The following CACNA2D1 variants were observed in gnomAD, a reference collection of about 807,000 sequenced individuals.
CACNA2D1 encodes the protein calcium voltage-gated channel auxiliary subunit alpha2delta 1, also known as voltage-dependent calcium channel subunit alpha-2/delta-1.
Under a neutral mutation model 171.5 loss-of-function variants are expected in CACNA2D1, and 53 were observed. That is an observed-to-expected ratio of 0.31 (90% CI 0.25 to 0.39). The LOEUF (loss-of-function observed/expected upper bound fraction) is 0.39. Ranked by LOEUF, CACNA2D1 falls within the 10% of genes least tolerant of loss-of-function variation. CACNA2D1 has a pLI of 1.00. For synonymous variants in CACNA2D1, 442 were observed against 443.1 expected, an observed-to-expected ratio of 1.00 and a Z score of 0.03; for missense variants, 903 against 1,299.8, an observed-to-expected ratio of 0.69 and a Z score of 4.69.
In CACNA2D1 at chr7:81,948,386, C is replaced by T. The variant is rs1584115008; in HGVS notation, c.*2006G>A. 1 of 151,686 alleles carries T rather than the reference C, an allele frequency of 6.6e-6. No homozygotes were observed. The highest frequency in any genetic ancestry group is 1.9e-4 in the East Asian group (1 of 5,160). 9.4% of individuals were successfully genotyped at this position (151,686 alleles called of 1,614,324 possible). A position where few individuals can be genotyped will look rare whatever the true frequency, so the allele number is the denominator to read the frequency against. ...ATGACACTACAAAATCACAACAATG[C>T]ATTAGAAATGGTAACTGATGTCAAC... On this transcript the variant is annotated 3_prime_UTR_variant, in exon 39 of 39. Transcript: ENST00000356860.
At position 82,170,607 on chromosome 7, in the gene CACNA2D1, G is replaced by T. The variant is rs776437957; in HGVS notation, c.297C>A (p.Arg99=). ...GAACTTTCTCCGCTTCCAATGCCAGGCGCTGAAAAACAAACAATAAATCTT... is the reference window on the plus strand; with the variant it reads ...GAACTTTCTCCGCTTCCAATGCCAGTCGCTGAAAAACAAACAATAAATCTT... ...LLSNRSKALV[R]LALEAEKVQA... The change falls in exon 4 of 39, where the codon CGC becomes CGA. Residue 99 remains arginine (R), a splice_region_variant and synonymous_variant. Transcript: ENST00000356860. 1.9e-6 allele frequency: 3 copies of T among 1,612,310 alleles called. No homozygotes were observed. Among genetic ancestry groups the T allele is most frequent in the African/African-American group, 1.3e-5 (1 of 74,886 alleles).
intron 3 of CACNA2D1, among the ~76,000 whole-genome samples, chr7:82,325,842 A>G (rs1240038401): frequency 6.6e-6 from 1 of 152,218 alleles, no homozygotes; most frequent in African/African-American, 2.4e-5. Flanking sequence ...CTGATGAGAA[A>G]AAATGAAAAT....
At chr7:82,338,111 T>C (rs962166028) in intron 2 of CACNA2D1, among the ~76,000 whole-genome samples, 4 of 152,204 alleles carry the variant, frequency 2.6e-5, no homozygotes, top group Non-Finnish European at 5.9e-5. Flanking sequence ...CACTTTGCTC[T>C]AATTAAGTCT....
intron 20 of CACNA2D1, 125 bp from the exon 21 acceptor site, chr7:81,991,371 A>G (rs1797523812): frequency 1.6e-6 from 1 of 627,856 alleles, no homozygotes; most frequent in Non-Finnish European, 2.9e-6. Flanking sequence ...CAAAGGTATG[A>G]TCTATTTTAT....
chr7:82,150,283 A>AC, intron 4 of CACNA2D1, among the ~76,000 whole-genome samples: 1 of 96,864 alleles, frequency 1.0e-5, no homozygotes, highest in Non-Finnish European at 2.1e-5. Flanking sequence ...AAACAACAAC[A>AC]AAAAAAAACA....
chr7:82,325,569 T>C (rs746390378), intron 3 of CACNA2D1, among the ~76,000 whole-genome samples: 4 of 152,158 alleles, frequency 2.6e-5, no homozygotes, highest in African/African-American at 7.2e-5. Flanking sequence ...TGAGATGCCA[T>C]GGAGCTGAGA....
intron 3 of CACNA2D1, among the ~76,000 whole-genome samples, chr7:82,318,130 A>G (rs976745614): frequency 6.6e-6 from 1 of 152,110 alleles, no homozygotes; most frequent in Admixed American, 6.6e-5. Flanking sequence ...TCACTTTTCA[A>G]TTGCCTACAA....
chr7:82,178,936 G>A (rs1045155660), intron 3 of CACNA2D1, among the ~76,000 whole-genome samples: 4 of 152,052 alleles, frequency 2.6e-5, no homozygotes, highest in African/African-American at 9.7e-5. Context: ...TGGAAATGTG[G>A]AAACAATCAT....
chr7:82,354,034 G>C (rs1186048848), intron 1 of CACNA2D1, among the ~76,000 whole-genome samples: 1 of 151,982 alleles, frequency 6.6e-6, no homozygotes, highest in Admixed American at 6.6e-5. Flanking sequence ...TCCCTTCTTC[G>C]CTGAAGACTC....
intron 3 of CACNA2D1, among the ~76,000 whole-genome samples, chr7:82,326,867 T>G (rs532946642): frequency 9.2e-6 from 1 of 108,750 alleles, no homozygotes; most frequent in East Asian, 2.3e-4. Context: ...CATTGACTAT[T>G]CTCAAATATC....
At chr7:82,225,046 A>AT (rs1802205754) in intron 3 of CACNA2D1, among the ~76,000 whole-genome samples, 1 of 152,136 alleles carries the variant, frequency 6.6e-6, no homozygotes, top group Non-Finnish European at 1.5e-5. Flanking sequence ...TTTACACATT[A>AT]TTTTTTGTCC....
chr7:82,362,964 G>A lies in CACNA2D1; in HGVS notation c.96-13315C>T, dbSNP rs80282846. Among the ~76,000 whole-genome samples, 668 of 152,220 alleles carry A rather than the reference G, an allele frequency of 4.4e-3. 3 individuals are homozygous for A. Among genetic ancestry groups the A allele is most frequent in the South Asian group, 0.019 (93 of 4,826 alleles). On this transcript the variant is annotated intron_variant, in intron 1 of 38. Coordinates refer to ENST00000356860, the MANE Select transcript of CACNA2D1 (RefSeq NM_000722.4). The stretch of plus-strand genomic sequence containing the variant: ...TTATTTAGGCACAAACTGTCAGAAA[G>A]TTCTGCTAGGTGCAAAAGAAATGAT...
chr7:81,986,540 A>C (rs183039775), intron 21 of CACNA2D1, among the ~76,000 whole-genome samples: 2 of 151,952 alleles, frequency 1.3e-5, no homozygotes, highest in Admixed American at 6.6e-5. Context: ...TATGACTATA[A>C]ATATTAAAAT....
At position 81,950,191 on chromosome 7, in the gene CACNA2D1, TCACA is replaced by T. The variant is rs1792356930; in HGVS notation, c.*197_*200del. ...ATGTTACACATAGATGATGCAGCAT[TCACA>T]CACGTTTAAGGATCTGACACCCTGA... On this transcript the variant is annotated 3_prime_UTR_variant, in exon 39 of 39. Coordinates refer to ENST00000356860, the MANE Select transcript of CACNA2D1 (RefSeq NM_000722.4). The T allele has an allele frequency of 1.2e-6, 1 of 822,974 alleles. No individual in the cohort carries two copies. The highest frequency in any genetic ancestry group is 2.7e-5 in the East Asian group (1 of 37,648). The allele number at this position is 822,974 out of a possible 1,614,324, so 51.0% of individuals were successfully genotyped here.
At chr7:82,419,822 A>G (rs576273772) in intron 1 of CACNA2D1, among the ~76,000 whole-genome samples, 1 of 152,334 alleles carries the variant, frequency 6.6e-6, no homozygotes, top group African/African-American at 2.4e-5. Flanking sequence ...AGATTCAACT[A>G]GATATCTGCA....
chr7:82,221,282 G>T (rs916030122), intron 3 of CACNA2D1, among the ~76,000 whole-genome samples: 1 of 152,084 alleles, frequency 6.6e-6, no homozygotes, highest in Non-Finnish European at 1.5e-5. Context: ...ACACTTTTGC[G>T]AACTGTGTTA....
intron 4 of CACNA2D1, among the ~76,000 whole-genome samples, chr7:82,150,968 C>T (rs1793796207): frequency 6.6e-6 from 1 of 152,080 alleles, no homozygotes; most frequent in South Asian, 2.1e-4. Flanking sequence ...GTTTTAGTAA[C>T]TGTATTTAAG....
At chr7:82,099,439 T>A (rs1197418702) in intron 6 of CACNA2D1, among the ~76,000 whole-genome samples, 8 of 15,322 alleles carry the variant, frequency 5.2e-4, no homozygotes, top group Non-Finnish European at 8.7e-4. Flanking sequence ...TTTTTTTTTT[T>A]TTTTTTTTTT....
intron 3 of CACNA2D1, among the ~76,000 whole-genome samples, chr7:82,201,077 T>G (rs1799380931): frequency 1.3e-5 from 2 of 152,196 alleles, no homozygotes; most frequent in South Asian, 4.1e-4. Flanking sequence ...TAGTACCTCT[T>G]GTTCATTTGC....
Sources: allele counts gnomAD v4.1 joint callset (sites outside exome capture counted in the v4.1 genomes callset), GRCh38; gene constraint gnomAD v4.1.1; transcripts MANE v1.5; gene names NCBI Gene and HGNC (gene_info 2026-07-23, HGNC 2026-07-21).